The following AGBL1 variants were observed in gnomAD, a reference collection of about 807,000 sequenced individuals.
AGBL1 encodes AGBL carboxypeptidase 1.
A neutral mutation model predicts 118.9 loss-of-function variants in AGBL1; 130 were observed. The observed-to-expected ratio is 1.09, with a 90% CI of 0.95 to 1.26. The LOEUF (loss-of-function observed/expected upper bound fraction) is 1.26. Among genes scored for constraint, AGBL1 ranks in the 50% most tolerant of loss-of-function variants. The pLI, the probability that AGBL1 is intolerant of heterozygous loss-of-function variation, is 0.00. For synonymous variants in AGBL1, 555 were observed against 478.9 expected, an observed-to-expected ratio of 1.16 and a Z score of -2.08; for missense variants, 1,584 against 1,298.1, an observed-to-expected ratio of 1.22 and a Z score of -3.38.
intron 22 of AGBL1, among the ~76,000 whole-genome samples, chr15:86,713,288 C>T (rs997040): frequency 6.6e-6 from 1 of 152,054 alleles, no homozygotes; most frequent in African/African-American, 2.4e-5. Flanking sequence ...GAAAAAAATG[C>T]TAGGGGTGGA....
At chr15:86,616,491 G>T (rs2084728243) in intron 21 of AGBL1, among the ~76,000 whole-genome samples, 1 of 152,132 alleles carries the variant, frequency 6.6e-6, no homozygotes, top group African/African-American at 2.4e-5. Context: ...AGAAAAGAAT[G>T]AGCAAGTAGA....
At chr15:86,308,093 T>A (rs2079867512) in intron 17 of AGBL1, among the ~76,000 whole-genome samples, 1 of 152,220 alleles carries the variant, frequency 6.6e-6, no homozygotes, top group Non-Finnish European at 1.5e-5. Flanking sequence ...ATTCTATTTA[T>A]AATTGCTTAT....
intron 20 of AGBL1, among the ~76,000 whole-genome samples, chr15:86,550,624 A>C (rs2083650901): frequency 6.6e-6 from 1 of 152,114 alleles, no homozygotes; most frequent in Admixed American, 6.6e-5. Flanking sequence ...TACAAGAAGA[A>C]AAAGTTGAAA....
chr15:86,672,462 T>A lies in AGBL1; in HGVS notation c.2995-1811T>A, dbSNP rs571911349. ...TTTAACCTCTACAGAGCACCTGTTA[T>A]GTGTCTGCTGGAGGCTGGGGTTGCA... On this transcript the variant is annotated intron_variant, in intron 21 of 22. Transcript: ENST00000614907. 2.6e-5 allele frequency among the ~76,000 whole-genome samples: 4 copies of A among 152,250 alleles called. No homozygotes were observed. In the South Asian group the frequency reaches 8.3e-4, roughly 32 times the overall value.
intron 22 of AGBL1, among the ~76,000 whole-genome samples, chr15:86,713,978 C>T (rs1039500599): frequency 3.9e-5 from 6 of 152,132 alleles, no homozygotes; most frequent in African/African-American, 1.4e-4. Context: ...CTTGAACGCG[C>T]ACACAAAGGC....
intron 17 of AGBL1, chr15:86,316,600 C>G (rs1014429494): frequency 2.0e-5 from 3 of 152,228 alleles, no homozygotes; most frequent in Admixed American, 6.5e-5. Flanking sequence ...CCTTGACTTT[C>G]TGCAGGCCAC....
At chr15:86,461,134 G>A (rs1391899930) in intron 18 of AGBL1, among the ~76,000 whole-genome samples, 1 of 152,130 alleles carries the variant, frequency 6.6e-6, no homozygotes, top group Non-Finnish European at 1.5e-5. Flanking sequence ...TGATGTCATT[G>A]TTCTGGGCTA....
At chr15:86,642,270 C>T (rs1033473640) in intron 21 of AGBL1, among the ~76,000 whole-genome samples, 13 of 152,126 alleles carry the variant, frequency 8.5e-5, no homozygotes, top group Non-Finnish European at 1.5e-4. Context: ...GCATTTTAGC[C>T]TTCCTAAAGT....
chr15:86,667,214 C>CTATGTATG (rs769766717), intron 21 of AGBL1, among the ~76,000 whole-genome samples: 20 of 35,676 alleles, frequency 5.6e-4, no homozygotes, highest in African/African-American at 7.8e-4. Context: ...ATGTATGTAT[C>CTATGTATG]TATGTATGTA....
intron 15 of AGBL1, among the ~76,000 whole-genome samples, chr15:86,276,907 A>G (rs923988691): frequency 2.0e-5 from 3 of 152,174 alleles, no homozygotes; most frequent in Non-Finnish European, 4.4e-5. Context: ...TTCACTTTAG[A>G]GATTTATCAA....
chr15:86,515,281 T>C (rs2083106261), intron 18 of AGBL1, among the ~76,000 whole-genome samples: 2 of 152,180 alleles, frequency 1.3e-5, no homozygotes, highest in African/African-American at 2.4e-5. Flanking sequence ...TGCCTGCTCT[T>C]AGTGGAAATT....
chr15:86,238,249 A>C (rs931382509), intron 6 of AGBL1, among the ~76,000 whole-genome samples: 2 of 152,210 alleles, frequency 1.3e-5, no homozygotes, highest in Non-Finnish European at 2.9e-5. Context: ...TGCAAACCCC[A>C]TAAGAGGTGA....
chr15:86,702,813 C>A (rs2086383026), intron 22 of AGBL1, among the ~76,000 whole-genome samples: 1 of 151,862 alleles, frequency 6.6e-6, no homozygotes, highest in South Asian at 2.1e-4. Context: ...AGTTTCTTAG[C>A]TTCCCTTTTT....
chr15:87,023,438 C>T (rs934580007), intron 24 of AGBL1, among the ~76,000 whole-genome samples: 1 of 151,958 alleles, frequency 6.6e-6, no homozygotes, highest in Non-Finnish European at 1.5e-5. Context: ...TATCTCAATC[C>T]TGAATGTATA....
At chr15:86,868,819 G>C (rs948798992) in intron 22 of AGBL1, among the ~76,000 whole-genome samples, 1 of 152,154 alleles carries the variant, frequency 6.6e-6, no homozygotes, top group Non-Finnish European at 1.5e-5. Context: ...TAATGGAATT[G>C]TGACATGCAA....
At chr15:86,927,665 A>G (rs1287608862) in intron 23 of AGBL1, among the ~76,000 whole-genome samples, 1 of 152,206 alleles carries the variant, frequency 6.6e-6, no homozygotes, top group East Asian at 1.9e-4. Flanking sequence ...GAATAGAGGA[A>G]GTAGCAATAA....
chr15:86,261,497 T>C (rs772682079), intron 9 of AGBL1, among the ~76,000 whole-genome samples: 1 of 152,206 alleles, frequency 6.6e-6, no homozygotes, highest in Non-Finnish European at 1.5e-5. Context: ...AACATTGCAT[T>C]TTTTTGCCCC....
chr15:86,492,596 G>GA (rs998900235), intron 18 of AGBL1, among the ~76,000 whole-genome samples: 153 of 70,998 alleles, frequency 2.2e-3, no homozygotes, highest in Middle Eastern at 0.015. Context: ...TCAAAAAAAA[G>GA]AAAAAAAAAA....
chr15:87,001,803 C>T lies in AGBL1; in HGVS notation c.3323+13715C>T, dbSNP rs182404668. Among the ~76,000 whole-genome samples the T allele has an allele frequency of 4.9e-3, 753 of 152,142 alleles. 19 individuals are homozygous for T. The highest frequency in any genetic ancestry group is 0.015 in the African/African-American group (618 of 41,452). ...CTTTTGAGAAGTGTCTGTTCATATC[C>T]TTGGCCCACTTTTTGATGGGGTTGT... On this transcript the variant is annotated intron_variant, in intron 24 of 24. Transcript: ENST00000441037.
Sources: allele counts gnomAD v4.1 joint callset (sites outside exome capture counted in the v4.1 genomes callset), GRCh38; gene constraint gnomAD v4.1.1; transcripts MANE v1.5; gene names NCBI Gene and HGNC (gene_info 2026-07-23, HGNC 2026-07-21).